The following NIBAN2 variants were observed in gnomAD, a reference collection of about 807,000 sequenced individuals.
NIBAN2 encodes the protein niban apoptosis regulator 2, also known as protein Niban 2.
A neutral mutation model predicts 81.8 loss-of-function variants in NIBAN2; 36 were observed. That is an observed-to-expected ratio of 0.44 (90% CI 0.34 to 0.58). NIBAN2 has a LOEUF of 0.58. Ranked by LOEUF, NIBAN2 falls within the 20% of genes least tolerant of loss-of-function variation. The pLI is 0.02. For missense variants in NIBAN2, 897 were observed against 1,014.1 expected (o/e 0.88, Z 1.57); for synonymous variants, 445 against 441.6 (o/e 1.01, Z -0.10).
Position 127,507,050 on chromosome 9 carries a change from C to G in NIBAN2, c.2036G>C (p.Gly679Ala). The G allele has an allele frequency of 6.3e-7, 1 of 1,580,440 alleles. No individual in the cohort carries two copies. Among genetic ancestry groups the G allele is most frequent in the Non-Finnish European group, 8.6e-7 (1 of 1,162,878 alleles). Residue 679 changes from glycine (G) to alanine (A), a missense_variant, in exon 14 of 14, where the codon GGG becomes GCG. Gly to Ala is a moderately conservative substitution (Grantham distance 60, BLOSUM62 0). Transcript: ENST00000373312. This position sits in a 1 kb window ranked among gnomAD's most constrained non-coding sequence, Gnocchi z 6.8. ...GGCGGCCTTAGGCTGGGGACTCTCC[C>G]CAGCGGGGGCCCCGTTGAGCAGGGG... is the stretch of plus-strand genomic sequence containing the variant. Reference protein sequence around the residue: ...AGPLLNGAPAGESPQPKAAPE... With the variant: ...AGPLLNGAPAAESPQPKAAPE...
intron 1 of NIBAN2, among the ~76,000 whole-genome samples, chr9:127,577,129 G>A (rs1478331022): frequency 1.3e-5 from 2 of 151,566 alleles, no homozygotes; most frequent in Non-Finnish European, 2.9e-5. Context: ...CCAACATGGT[G>A]AAAGCCCGTC....
chr9:127,562,415 G>A (rs775146631), intron 1 of NIBAN2, among the ~76,000 whole-genome samples: 3 of 152,206 alleles, frequency 2.0e-5, no homozygotes, highest in Admixed American at 6.5e-5. Flanking sequence ...CAGTTAAACC[G>A]TTGCTAATGT....
upstream of NIBAN2, among the ~76,000 whole-genome samples, chr9:127,569,607 C>A (rs1173763153): frequency 6.6e-6 from 1 of 151,954 alleles, no homozygotes; most frequent in African/African-American, 2.4e-5. Context: ...CCTCCTCTAC[C>A]CTGAACAGTG....
chr9:127,551,151 G>A (rs534169692), intron 1 of NIBAN2, among the ~76,000 whole-genome samples: 1 of 152,306 alleles, frequency 6.6e-6, no homozygotes, highest in African/African-American at 2.4e-5. Context: ...CACTTTAGGA[G>A]GCCAAGGTGG....
chr9:127,529,774 C>T lies in NIBAN2; in HGVS notation c.186+1874G>A, dbSNP rs767639034. On this transcript the variant is annotated intron_variant, in intron 2 of 13. Transcript: ENST00000373312. ...ATAAAAACCACTATTGTTTTGATCA[C>T]CACTGGTGATTAATATTATTTCCAG... 2.0e-5 allele frequency among the ~76,000 whole-genome samples: 3 copies of T among 152,106 alleles called. No homozygotes were observed. In the East Asian group the frequency reaches 5.8e-4, roughly 29 times the overall value.
chr9:127,568,823 C>T lies in NIBAN2; in HGVS notation c.52G>A (p.Ala18Thr). ...HLDDARRQHIAEKTGKILTEF... is the reference protein window; with the variant it reads ...HLDDARRQHITEKTGKILTEF... ...CGTGGCGCGGCGCGACCCTCACCTGCGATGTGCTGGCGCCGGGCGTCGTCC... is the reference window on the plus strand; with the variant it reads ...CGTGGCGCGGCGCGACCCTCACCTGTGATGTGCTGGCGCCGGGCGTCGTCC... Residue 18 changes from alanine to threonine, a missense_variant, in exon 1 of 14, where the codon GCA becomes ACA. By Grantham distance (58) the Ala-to-Thr change is moderately conservative. Coordinates refer to ENST00000373312, the MANE Select transcript of NIBAN2 (RefSeq NM_022833.4). The T allele has an allele frequency of 1.5e-6, 2 of 1,364,944 alleles. No individual in the cohort carries two copies. The highest frequency in any genetic ancestry group is 9.5e-7 in the Non-Finnish European group (1 of 1,053,928). 84.6% of individuals were successfully genotyped at this position (1,364,944 alleles called of 1,614,324 possible).
At chr9:127,525,986 C>T (rs553710049) in intron 3 of NIBAN2, among the ~76,000 whole-genome samples, 1 of 152,196 alleles carries the variant, frequency 6.6e-6, no homozygotes, top group Non-Finnish European at 1.5e-5. Context: ...TACCATGCTA[C>T]TCCCTGCCAC....
chr9:127,569,071 C>T lies in NIBAN2; in HGVS notation c.-197G>A. On this transcript the variant is annotated 5_prime_UTR_variant, in exon 1 of 14. Coordinates refer to ENST00000373312, the MANE Select transcript of NIBAN2 (RefSeq NM_022833.4). ...GGGCCCCGTCCCTCCAGCCGGCCGC[C>T]TTGGCCCCCTCCCTGCCCTCGGCCC... 5.6e-6 allele frequency: 6 copies of T among 1,070,140 alleles called. No homozygotes were observed. Among genetic ancestry groups the T allele is most frequent in the Non-Finnish European group, 6.8e-6 (6 of 886,298 alleles). 66.3% of individuals were successfully genotyped at this position (1,070,140 alleles called of 1,614,324 possible).
At position 127,515,460 on chromosome 9, in the gene NIBAN2, G is replaced by A. The variant is rs569673401; in HGVS notation, c.973+1397C>T. On this transcript the variant is annotated intron_variant, in intron 8 of 13. Coordinates refer to ENST00000373312, the MANE Select transcript of NIBAN2 (RefSeq NM_022833.4). ...GGTGTGAACCCGGGAGGTGGAGCTTGCAGTGAGCCGAGATCACGCCACTGC... is the reference window on the plus strand; with the variant it reads ...GGTGTGAACCCGGGAGGTGGAGCTTACAGTGAGCCGAGATCACGCCACTGC... Among the ~76,000 whole-genome samples, 163 of 146,074 alleles carry A rather than the reference G, an allele frequency of 1.1e-3. 4 individuals carry two copies. In the South Asian group the frequency reaches 0.034, roughly 31 times the overall value.
chr9:127,507,979 C>G lies in NIBAN2; in HGVS notation c.1543-1G>C. On this transcript the variant is annotated splice_acceptor_variant, in intron 12 of 13. Coordinates refer to ENST00000373312, the MANE Select transcript of NIBAN2 (RefSeq NM_022833.4). LOFTEE classifies it high-confidence loss of function. The surrounding 1 kb of genome is among the most constrained non-coding windows in gnomAD (Gnocchi z 6.8). ...TCAGCTCCTGGAACCGGGGCAGCTCCTGCCCGGGTGGGGCGGCAGAGATGA... is the reference window on the plus strand; with the variant it reads ...TCAGCTCCTGGAACCGGGGCAGCTCGTGCCCGGGTGGGGCGGCAGAGATGA... 6.2e-7 allele frequency: 1 copy of G among 1,614,110 alleles called. No homozygotes were observed. Among genetic ancestry groups the G allele is most frequent in the Non-Finnish European group, 8.5e-7 (1 of 1,180,014 alleles).
intron 2 of NIBAN2, among the ~76,000 whole-genome samples, chr9:127,527,887 T>G (rs1251143861): frequency 6.6e-6 from 1 of 151,846 alleles, no homozygotes; most frequent in Non-Finnish European, 1.5e-5. Context: ...ATGAGACGCC[T>G]TCCTAAAAAG....
At chr9:127,522,810 T>C (rs1836967937) in intron 5 of NIBAN2, among the ~76,000 whole-genome samples, 1 of 151,822 alleles carries the variant, frequency 6.6e-6, no homozygotes, top group South Asian at 2.1e-4. Flanking sequence ...AGCTGAACCA[T>C]AACCTCCTCA....
Position 127,568,884 on chromosome 9 carries a change from G to A in NIBAN2, c.-10C>T. The A allele has an allele frequency of 7.5e-7, 1 of 1,326,334 alleles. No individual in the cohort carries two copies. Among genetic ancestry groups the A allele is most frequent in the Non-Finnish European group, 9.7e-7 (1 of 1,035,396 alleles). The allele number at this position is 1,326,334 out of a possible 1,614,324, so 82.2% of individuals were successfully genotyped here. ...ACAGCACGTCCCCCATGGCCAGGAG[G>A]TGTCGCGGCCCGATCCGGCCGACGC... On this transcript the variant is annotated 5_prime_UTR_variant, in exon 1 of 14. Transcript: ENST00000373312.
intron 8 of NIBAN2, 33 bp from the exon 9 acceptor site, chr9:127,510,366 T>G (rs1159863130): frequency 6.5e-7 from 1 of 1,549,430 alleles, no homozygotes; most frequent in Non-Finnish European, 8.8e-7. Flanking sequence ...CAGCAGGGGC[T>G]CCCCAAGGAG....
upstream of NIBAN2, among the ~76,000 whole-genome samples, chr9:127,571,336 C>T (rs1837943608): frequency 6.6e-6 from 1 of 152,118 alleles, no homozygotes; most frequent in Admixed American, 6.5e-5. Context: ...CTTTGGAGAC[C>T]TTCTGTCACA....
At chr9:127,521,443 C>T (rs1259016278) in intron 5 of NIBAN2, among the ~76,000 whole-genome samples, 1 of 152,180 alleles carries the variant, frequency 6.6e-6, no homozygotes, top group African/African-American at 2.4e-5. Flanking sequence ...GGACCCGGCA[C>T]AGCCAGTGCC....
chr9:127,540,183 C>T (rs1837351611), intron 1 of NIBAN2, among the ~76,000 whole-genome samples: 1 of 152,168 alleles, frequency 6.6e-6, no homozygotes, highest in African/African-American at 2.4e-5. Flanking sequence ...TCTGATTTTC[C>T]AAACTGACAA....
At chr9:127,572,112 T>G (rs576292318), upstream of NIBAN2, among the ~76,000 whole-genome samples, 1 of 152,294 alleles carries the variant, frequency 6.6e-6, no homozygotes, top group East Asian at 1.9e-4. Flanking sequence ...ATGGACTCAG[T>G]GCAGCCTTGG....
In NIBAN2 at chr9:127,508,296, T is replaced by C. The variant is rs1588149684; in HGVS notation, c.1435-96A>G. The C allele has an allele frequency of 1.5e-6, 2 of 1,324,714 alleles. No homozygotes were observed. The highest frequency in any genetic ancestry group is 1.4e-5 in the African/African-American group (1 of 69,280). 82.1% of individuals were successfully genotyped at this position (1,324,714 alleles called of 1,614,324 possible). On this transcript the variant is annotated intron_variant, in intron 11 of 13. Transcript: ENST00000373312. This position sits in a 1 kb window ranked among gnomAD's most constrained non-coding sequence, Gnocchi z 6.4. ...CAGTGGTCTGACCCAAGCCTCCGAGTCCTCATCCGCACAAGAGGACCATGG... is the reference window on the plus strand; with the variant it reads ...CAGTGGTCTGACCCAAGCCTCCGAGCCCTCATCCGCACAAGAGGACCATGG...
Sources: gnomAD v4.1 joint callset for allele counts (sites outside exome capture counted in the v4.1 genomes callset) on GRCh38, gnomAD v4.1.1 for gene constraint, Gnocchi (gnomAD v3.1) non-coding constraint, MANE v1.5 for transcripts, NCBI Gene and HGNC (gene_info 2026-07-23, HGNC 2026-07-21) for gene names.